Variants in DACH1 observed in about 807,000 individuals in gnomAD.
DACH1 encodes dachshund family transcription factor 1.
Under a neutral mutation model 54.2 loss-of-function variants are expected in DACH1, and 12 were observed. The observed-to-expected ratio is 0.22, with a 90% CI of 0.14 to 0.36. DACH1 has a LOEUF of 0.36. Among genes scored for constraint, DACH1 ranks in the 10% least tolerant of loss-of-function variants. The pLI is 1.00. For missense variants in DACH1, 805 were observed against 929.8 expected (o/e 0.87, Z 1.75); for synonymous variants, 386 against 366.2 (o/e 1.05, Z -0.62).
rs73521244 is a variant in DACH1, at chr13:71,533,396, C to T, written c.1570+23628G>A. ...GGAAACGTGACAGTGAAATTTATAT[C>T]TTTTAGGACAAAACTCCAAGCTTGG... On this transcript the variant is annotated intron_variant, in intron 6 of 10. Coordinates refer to ENST00000613252, the MANE Select transcript of DACH1 (RefSeq NM_080759.6). 6.3e-3 allele frequency among the ~76,000 whole-genome samples: 961 copies of T among 152,012 alleles called. 9 individuals are homozygous for T. The highest frequency in any genetic ancestry group is 0.022 in the African/African-American group (913 of 41,516).
intron 6 of DACH1, among the ~76,000 whole-genome samples, chr13:71,532,378 A>C (rs1882473191): frequency 6.6e-6 from 1 of 151,982 alleles, no homozygotes; most frequent in African/African-American, 2.4e-5. Flanking sequence ...AATTAAATGC[A>C]TTTTAATTTT....
At chr13:71,668,624 T>G (rs1196660542) in intron 2 of DACH1, among the ~76,000 whole-genome samples, 1 of 152,016 alleles carries the variant, frequency 6.6e-6, no homozygotes, top group African/African-American at 2.4e-5. Context: ...AAATTTTTTT[T>G]TTTAAAAATA....
chr13:71,761,746 T>C (rs543335967), intron 1 of DACH1, among the ~76,000 whole-genome samples: 51 of 152,286 alleles, frequency 3.3e-4, no homozygotes, highest in Middle Eastern at 3.4e-3. Context: ...CCTGGAGCCA[T>C]ACTTTGATAA....
At chr13:71,503,610 C>A (rs192876817) in intron 6 of DACH1, among the ~76,000 whole-genome samples, 96 of 152,040 alleles carry the variant, frequency 6.3e-4, no homozygotes, top group South Asian at 1.5e-3. Context: ...TTGTGGCTGC[C>A]CTGTGCAGCA....
At chr13:71,785,878 T>C (rs1886571541) in intron 1 of DACH1, among the ~76,000 whole-genome samples, 1 of 152,180 alleles carries the variant, frequency 6.6e-6, no homozygotes, top group African/African-American at 2.4e-5. Flanking sequence ...TCTACTCAAC[T>C]ATGCATCACA....
At chr13:71,770,043 T>C (rs947818514) in intron 1 of DACH1, among the ~76,000 whole-genome samples, 4 of 151,734 alleles carry the variant, frequency 2.6e-5, no homozygotes, top group Non-Finnish European at 4.4e-5. Flanking sequence ...ATACTTTTAG[T>C]ACAGCTTTAA....
intron 1 of DACH1, among the ~76,000 whole-genome samples, chr13:71,796,038 G>T (rs750026857): frequency 4.6e-5 from 7 of 152,238 alleles, no homozygotes; most frequent in Non-Finnish European, 1.0e-4. Context: ...TAAGAAGGAA[G>T]CAAGCAACTC....
intron 2 of DACH1, among the ~76,000 whole-genome samples, chr13:71,672,635 A>T (rs750398054): frequency 4.6e-5 from 7 of 152,062 alleles, no homozygotes; most frequent in Non-Finnish European, 1.0e-4. Context: ...AAATAAAAAT[A>T]AAAAAAGTTT....
rs1873678200 is a variant in DACH1, at chr13:71,438,164, C to A, written c.*2491G>T. 1 of 152,318 alleles carries A rather than the reference C, an allele frequency of 6.6e-6. No homozygotes were observed. Among genetic ancestry groups the A allele is most frequent in the South Asian group, 2.1e-4 (1 of 4,828 alleles). The allele number at this position is 152,318 out of a possible 1,614,324, so 9.4% of individuals were successfully genotyped here. ...AACAAAATTCGTAATAACCTTTTAT[C>A]ATTTTTAGAAAACTTTAAATATATA... On this transcript the variant is annotated 3_prime_UTR_variant, in exon 11 of 11. Transcript: ENST00000613252.
chr13:71,613,257 T>C (rs1875472209), intron 3 of DACH1, among the ~76,000 whole-genome samples: 2 of 152,154 alleles, frequency 1.3e-5, no homozygotes, highest in Non-Finnish European at 2.9e-5. Context: ...CGTAGTCTGT[T>C]TGAGAAACTG....
intron 3 of DACH1, among the ~76,000 whole-genome samples, chr13:71,606,892 T>C (rs1874919368): frequency 6.6e-6 from 1 of 152,060 alleles, no homozygotes; most frequent in Non-Finnish European, 1.5e-5. Context: ...ATCTAGTCAT[T>C]ACATTTTCAT....
At chr13:71,816,687 TACACATATATATATATAC>T (rs1273099776) in intron 1 of DACH1, among the ~76,000 whole-genome samples, 4 of 141,284 alleles carry the variant, frequency 2.8e-5, no homozygotes, top group Non-Finnish European at 6.2e-5. Flanking sequence ...CATATATATA[TACACATATATATATATAC>T]ACACACCATA....
chr13:71,865,347 G>C (rs1376804625), intron 1 of DACH1, among the ~76,000 whole-genome samples: 2 of 152,064 alleles, frequency 1.3e-5, no homozygotes, highest in South Asian at 2.1e-4. Context: ...TGCCCTCCTC[G>C]GGTGCTGGTC....
chr13:71,574,790 G>C (rs987240271), intron 3 of DACH1, among the ~76,000 whole-genome samples: 51 of 151,802 alleles, frequency 3.4e-4, no homozygotes, highest in African/African-American at 1.1e-3. Flanking sequence ...ACAGCTTTTG[G>C]TTTAAAAAAA....
chr13:71,838,033 A>C (rs914180409), intron 1 of DACH1, among the ~76,000 whole-genome samples: 1 of 149,840 alleles, frequency 6.7e-6, no homozygotes, highest in Non-Finnish European at 1.5e-5. Flanking sequence ...AGGGAAAAAA[A>C]AAAAAAAAGA....
At chr13:71,641,873 T>A (rs1325971773) in intron 2 of DACH1, among the ~76,000 whole-genome samples, 1 of 152,174 alleles carries the variant, frequency 6.6e-6, no homozygotes, top group East Asian at 1.9e-4. Context: ...ATTTCTTTTA[T>A]AAGGTTTGAT....
At chr13:71,461,267 C>T (rs1876047696) in intron 10 of DACH1, among the ~76,000 whole-genome samples, 1 of 151,806 alleles carries the variant, frequency 6.6e-6, no homozygotes, top group African/African-American at 2.4e-5. Context: ...AGGAAGATGG[C>T]CCTCAAAATA....
chr13:71,493,415 C>T (rs919005845), intron 6 of DACH1, among the ~76,000 whole-genome samples: 2 of 152,064 alleles, frequency 1.3e-5, no homozygotes, highest in African/African-American at 4.8e-5. Context: ...TCCCATGAGA[C>T]CTTAAACCAG....
intron 4 of DACH1, among the ~76,000 whole-genome samples, chr13:71,567,767 C>CT (rs1393025847): frequency 2.0e-5 from 3 of 151,922 alleles, no homozygotes; most frequent in Admixed American, 6.6e-5. Context: ...TCCAAGTAGT[C>CT]TTTTTTCAGA....
Sources: gnomAD v4.1 joint callset for allele counts (sites outside exome capture counted in the v4.1 genomes callset) on GRCh38, gnomAD v4.1.1 for gene constraint, MANE v1.5 for transcripts, NCBI Gene and HGNC (gene_info 2026-07-23, HGNC 2026-07-21) for gene names.